Variants in KANK4 observed in about 807,000 individuals in gnomAD.
KANK4 encodes KN motif and ankyrin repeat domains 4, also known as KN motif and ankyrin repeat domain-containing protein 4.
In KANK4, 50 loss-of-function variants were observed where a neutral mutation model predicts 80.8. The observed-to-expected ratio is 0.62, with a 90% CI of 0.49 to 0.78. KANK4 has a LOEUF of 0.78. KANK4 is among the 30% of genes least tolerant of loss of function. The pLI is 0.00. For missense variants in KANK4, 1,196 were observed against 1,240.1 expected (o/e 0.96, Z 0.53); for synonymous variants, 465 against 506.9 (o/e 0.92, Z 1.11).
intron 1 of KANK4, among the ~76,000 whole-genome samples, chr1:62,296,300 G>A (rs1305575849): frequency 6.6e-6 from 1 of 152,058 alleles, no homozygotes; most frequent in Non-Finnish European, 1.5e-5. Flanking sequence ...CCTCCCACCT[G>A]GTTCTTCACT....
intron 7 of KANK4, among the ~76,000 whole-genome samples, chr1:62,260,899 T>C (rs1570982056): frequency 6.6e-6 from 1 of 152,338 alleles, no homozygotes; most frequent in African/African-American, 2.4e-5. Context: ...AAAGGCCTCA[T>C]TGCATGTGCT....
intron 1 of KANK4, among the ~76,000 whole-genome samples, chr1:62,309,805 A>G (rs953665388): frequency 2.6e-5 from 4 of 152,204 alleles, no homozygotes; most frequent in African/African-American, 9.6e-5. Flanking sequence ...TAACACATCT[A>G]CATTTTAACA....
intron 6 of KANK4, among the ~76,000 whole-genome samples, chr1:62,266,089 C>T (rs540726257): frequency 6.6e-6 from 1 of 152,346 alleles, no homozygotes; most frequent in South Asian, 2.1e-4. Context: ...TCTCAAACCA[C>T]AGGGCCATCG....
intron 1 of KANK4, among the ~76,000 whole-genome samples, chr1:62,300,026 C>T (rs527689542): frequency 6.6e-6 from 1 of 152,250 alleles, no homozygotes; most frequent in African/African-American, 2.4e-5. Flanking sequence ...AAAGGCCTCC[C>T]ACCTGCCAAG....
At position 62,275,025 on chromosome 1, in the gene KANK4, C is replaced by A; in HGVS notation, c.79G>T (p.Val27Leu). The stretch of plus-strand genomic sequence containing the variant: ...AAATGAAAGCCATATGGGGTCTCCA[C>A]AGAATAAGGGTGGCTCTTCGGAGGG... The part of the protein sequence containing the change: ...KDPPKSHPYS[V>L]ETPYGFHLDL... Residue 27 changes from valine (V) to leucine (L), a missense_variant, in exon 3 of 10, where the codon GTG (valine) becomes TTG (leucine). Around this residue, in one of 3 missense-constraint regions of KANK4, gnomAD observed 36 missense variants for 34.0 expected, o/e 1.06. Coordinates refer to ENST00000371153, the MANE Select transcript of KANK4 (RefSeq NM_181712.5). The A allele has an allele frequency of 2.5e-6, 4 of 1,613,910 alleles. No homozygotes were observed. Among genetic ancestry groups the A allele is most frequent in the South Asian group, 2.2e-5 (2 of 91,078 alleles).
rs1672224053 is a variant in KANK4 at position 62,273,641 on chromosome 1, G to A, written c.1463C>T (p.Thr488Ile). The change falls in exon 3 of 10, where the codon ACC becomes ATC. Residue 488 changes from threonine (T) to isoleucine (I), a missense_variant. Physicochemically the swap from Thr to Ile is moderately conservative, Grantham distance 89. Coordinates refer to ENST00000371153, the MANE Select transcript of KANK4 (RefSeq NM_181712.5). ...GGAGAGGAAGCTATGTACAGAGGAGGTAAGGACCTGCTCGGGTCCCTGTGG... is the reference window on the plus strand; with the variant it reads ...GGAGAGGAAGCTATGTACAGAGGAGATAAGGACCTGCTCGGGTCCCTGTGG... The part of the protein sequence containing the change: ...SLPQGPEQVL[T>I]SSVHSFLSTE... 1 of 1,614,016 alleles carries A rather than the reference G, an allele frequency of 6.2e-7. No individual in the cohort carries two copies. The highest frequency in any genetic ancestry group is 1.3e-5 in the African/African-American group (1 of 74,900).
chr1:62,299,599 C>T (rs1382469008), intron 1 of KANK4, among the ~76,000 whole-genome samples: 1 of 152,138 alleles, frequency 6.6e-6, no homozygotes, highest in Non-Finnish European at 1.5e-5. Context: ...GATTTAGACA[C>T]CCAGCAAGCA....
At position 62,274,740 on chromosome 1, in the gene KANK4, T is replaced by C. The variant is rs757701006; in HGVS notation, c.364A>G (p.Arg122Gly). The C allele has an allele frequency of 1.7e-5, 28 of 1,614,048 alleles. No homozygotes were observed. Among genetic ancestry groups the C allele is most frequent in the Admixed American group, 5.0e-5 (3 of 60,010 alleles). The change falls in exon 3 of 10, where the codon AGG becomes GGG. Residue 122 changes from arginine (R) to glycine (G), a missense_variant. This residue lies in a region of KANK4 where 1,154 missense variants were observed against 1,179.6 expected (regional missense o/e 0.98). Coordinates refer to ENST00000371153, the MANE Select transcript of KANK4 (RefSeq NM_181712.5). ...TTCCTGTGGTAGCTCACCTCACTCCTGCTTGTTGAGGCCTGGGGGGCATTA... is the reference window on the plus strand; with the variant it reads ...TTCCTGTGGTAGCTCACCTCACTCCCGCTTGTTGAGGCCTGGGGGGCATTA... ...LGNAPQASTS[R>G]SEVSYHRKAL...
In KANK4 at chr1:62,247,522, C is replaced by A. The variant is rs753635835; in HGVS notation, c.2833G>T (p.Val945Leu). The A allele has an allele frequency of 2.2e-5, 35 of 1,613,906 alleles. No homozygotes were observed. The highest frequency in any genetic ancestry group is 2.8e-5 in the Non-Finnish European group (33 of 1,180,030). Reference protein sequence around the residue: ...VACHHGNVDLVRLLLAHPACD... With the variant: ...VACHHGNVDLLRLLLAHPACD... ...GCTGGGTGTGCCAGGAGCAGCCGCA[C>A]CAGGTCCACGTTGCCATGGTGACAG... Residue 945 changes from valine (V) to leucine (L), a missense_variant, in exon 9 of 10, where the codon GTG becomes TTG. By Grantham distance (32) the Val-to-Leu change is conservative. Transcript: ENST00000371153.
chr1:62,306,984 A>G (rs1390088247), intron 1 of KANK4, among the ~76,000 whole-genome samples: 1 of 152,210 alleles, frequency 6.6e-6, no homozygotes, highest in Non-Finnish European at 1.5e-5. Context: ...TTACAATACA[A>G]TAAATATTGG....
chr1:62,298,890 A>C (rs564744292), intron 1 of KANK4, among the ~76,000 whole-genome samples: 34 of 152,192 alleles, frequency 2.2e-4, no homozygotes, highest in Middle Eastern at 6.8e-3. Flanking sequence ...GTACTACACT[A>C]TTATTATTTA....
At chr1:62,295,337 T>A (rs1386557597) in intron 1 of KANK4, among the ~76,000 whole-genome samples, 1 of 152,106 alleles carries the variant, frequency 6.6e-6, no homozygotes, top group Non-Finnish European at 1.5e-5. Flanking sequence ...AGAGACAGGG[T>A]TTCGCCATGT....
intron 1 of KANK4, among the ~76,000 whole-genome samples, chr1:62,289,279 C>T (rs1357340823): frequency 6.6e-6 from 1 of 152,188 alleles, no homozygotes; most frequent in Non-Finnish European, 1.5e-5. Context: ...AAAGCAGAGG[C>T]CTAAAGCACT....
At chr1:62,267,379 C>T (rs1193128322) in intron 5 of KANK4, among the ~76,000 whole-genome samples, 7 of 152,160 alleles carry the variant, frequency 4.6e-5, no homozygotes, top group African/African-American at 1.7e-4. Flanking sequence ...ACCAAGAGGC[C>T]TCAGGTGAGG....
rs1311359487 is a variant in KANK4 at position 62,273,951 on chromosome 1, G to A, written c.1153C>T (p.Arg385Ter). 4.3e-6 allele frequency: 7 copies of A among 1,614,154 alleles called. No individual in the cohort carries two copies. The highest frequency in any genetic ancestry group is 3.3e-4 in the Middle Eastern group (2 of 6,062). ...EEIKAREQRI[R>*]ELEFTVAQLE... ...TGGGCTACAGTGAACTCCAGCTCTC[G>A]AATTCTTTGCTCCCTAGCTTTGATT... The change falls in exon 3 of 10, where the codon CGA (arginine) becomes TGA (stop). Residue 385 changes from arginine (R) to a stop codon, truncating the protein, a stop_gained. Transcript: ENST00000371153. LOFTEE classifies it high-confidence loss of function.
intron 9 of KANK4, among the ~76,000 whole-genome samples, chr1:62,240,746 C>T (rs1030334804): frequency 2.0e-5 from 3 of 152,186 alleles, no homozygotes; most frequent in African/African-American, 7.2e-5. Context: ...ATTTTCACCT[C>T]CTGATCTGTG....
rs770391526 is a variant in KANK4, at chr1:62,266,784, C to T, written c.2267G>A (p.Arg756Gln). Residue 756 changes from arginine (R) to glutamine (Q), a missense_variant, in exon 6 of 10, where the codon CGG becomes CAG. Coordinates refer to ENST00000371153, the MANE Select transcript of KANK4 (RefSeq NM_181712.5). ...TTCTGGCAGATGCTGGCTCAGTGCC[C>T]GGCATGCATTAAGAAATTCTTCTGA... ...KPSEEFLNAC[R>Q]ALSQHLPETG... 1.2e-5 allele frequency: 19 copies of T among 1,612,096 alleles called. No individual in the cohort carries two copies. The highest frequency in any genetic ancestry group is 1.2e-4 in the Admixed American group (7 of 59,974).
intron 9 of KANK4, among the ~76,000 whole-genome samples, chr1:62,241,224 A>G (rs1371951131): frequency 3.3e-5 from 5 of 152,184 alleles, no homozygotes; most frequent in Non-Finnish European, 5.9e-5. Flanking sequence ...GCTCCCACGC[A>G]TGCAAATAAC....
intron 1 of KANK4, among the ~76,000 whole-genome samples, chr1:62,297,607 G>C (rs753183312): frequency 6.6e-6 from 1 of 152,172 alleles, no homozygotes; most frequent in Non-Finnish European, 1.5e-5. Context: ...AACGAATCTA[G>C]CATTAAATTC....
Sources: allele counts gnomAD v4.1 joint callset (sites outside exome capture counted in the v4.1 genomes callset), GRCh38; gene constraint gnomAD v4.1.1; regional missense constraint gnomAD v4.1.1; transcripts MANE v1.5; gene names NCBI Gene and HGNC (gene_info 2026-07-23, HGNC 2026-07-21).